The following ZIM2 variants were observed in gnomAD, a reference collection of about 807,000 sequenced individuals.
ZIM2 encodes zinc finger imprinted 2, also known as zinc finger protein 656.
Under a neutral mutation model 38.6 loss-of-function variants are expected in ZIM2, and 14 were observed. The observed-to-expected ratio is 0.36, with a 90% CI of 0.24 to 0.57. The LOEUF (loss-of-function observed/expected upper bound fraction) is 0.57, where lower values mean the gene tolerates loss of function less well. Ranked by LOEUF, ZIM2 falls within the 20% of genes least tolerant of loss-of-function variation. The pLI is 0.81. For synonymous variants in ZIM2, 247 were observed against 245.8 expected (o/e 1.00, Z -0.04); for missense variants, 680 against 695.1 (o/e 0.98, Z 0.24).
chr19:56,810,218 T>G, intron 9 of ZIM2: 1 of 983,084 alleles, frequency 1.0e-6, no homozygotes, highest in Non-Finnish European at 1.2e-6. Flanking sequence ...CTTTGGATGG[T>G]GAAAACATGG....
At chr19:56,840,210 C>A (rs866005243) in intron 1 of ZIM2, among the ~76,000 whole-genome samples, 31 of 152,322 alleles carry the variant, frequency 2.0e-4, no homozygotes, top group Admixed American at 3.3e-4. Flanking sequence ...CGTGGCAGAG[C>A]CCCCGGCTGT....
intron 9 of ZIM2, chr19:56,816,829 T>G: frequency 6.2e-7 from 1 of 1,614,202 alleles, no homozygotes; most frequent in South Asian, 1.1e-5. Flanking sequence ...CTCACATTCC[T>G]GATTCTTACA....
Position 56,817,548 on chromosome 19 carries a change from T to G in ZIM2, c.490+198A>C, listed in dbSNP as rs762779366. 4.7e-5 allele frequency: 75 copies of G among 1,596,694 alleles called. No individual in the cohort carries two copies. In the Middle Eastern group the frequency reaches 5.0e-4, roughly 11 times the overall value. The stretch of plus-strand genomic sequence containing the variant: ...CTTCACAAATCCCCCGCCGGTGGGT[T>G]GATTTTTTGGCTTCAGGCATAGTTT... On this transcript the variant is annotated intron_variant, in intron 9 of 12. Coordinates refer to ENST00000629319, the MANE Select transcript of ZIM2 (RefSeq NM_001387356.1).
In ZIM2 at chr19:56,840,669, G is replaced by A. The variant is rs561249765; in HGVS notation, c.-401C>T. The A allele has an allele frequency of 6.5e-6, 1 of 153,182 alleles. No homozygotes were observed. Among genetic ancestry groups the A allele is most frequent in the African/African-American group, 2.4e-5 (1 of 41,494 alleles). 9.5% of individuals were successfully genotyped at this position (153,182 alleles called of 1,614,324 possible). A position where few individuals can be genotyped will look rare whatever the true frequency, so the allele number is the denominator to read the frequency against. ...GGCGCCCGGCGGCGCCACCAGCCCA[G>A]GGTGGACATCTCCCGCGCCTCCCAA... On this transcript the variant is annotated 5_prime_UTR_variant, in exon 1 of 13. Transcript: ENST00000629319.
intron 9 of ZIM2, chr19:56,798,819 C>T (rs1600787624): frequency 6.6e-6 from 1 of 151,974 alleles, no homozygotes; most frequent in Admixed American, 6.6e-5. Context: ...AGACACTTCT[C>T]AAAAGAAGAA....
At chr19:56,834,239 C>A (rs371063687) in intron 2 of ZIM2, among the ~76,000 whole-genome samples, 2 of 152,122 alleles carry the variant, frequency 1.3e-5, no homozygotes, top group Non-Finnish European at 2.9e-5. Context: ...GTGAACAACT[C>A]TCATCAGACC....
At position 56,821,698 on chromosome 19, in the gene ZIM2, C is replaced by A. The variant is rs773497711; in HGVS notation, c.247G>T (p.Asp83Tyr). ...PVVAKTSFEMDREDDRDSRAY... is the reference protein window; with the variant it reads ...PVVAKTSFEMYREDDRDSRAY... ...CTGGAGTCCCTGTCGTCCTCTCTGT[C>A]CATTTCAAAGCTTGTTTTCGCCACC... Residue 83 changes from aspartate to tyrosine, a missense_variant, in exon 7 of 13, where the codon GAC becomes TAC. By Grantham distance (160) the Asp-to-Tyr change is radical. Transcript: ENST00000629319. 2.5e-6 allele frequency: 4 copies of A among 1,613,954 alleles called. No individual in the cohort carries two copies. In the African/African-American group the frequency reaches 4.0e-5, roughly 16 times the overall value.
chr19:56,825,864 T>C (rs770752704), intron 3 of ZIM2, among the ~76,000 whole-genome samples: 1 of 152,006 alleles, frequency 6.6e-6, no homozygotes, highest in Admixed American at 6.6e-5. Flanking sequence ...TTATTCAGAG[T>C]CTCTCATTAG....
At chr19:56,824,514 T>C (rs1416680647) in intron 3 of ZIM2, 87 bp from the exon 4 acceptor site, 1 of 1,614,108 alleles carries the variant, frequency 6.2e-7, no homozygotes, top group Non-Finnish European at 8.5e-7. Context: ...TTCCGAAACC[T>C]CTGATGAAAA....
At chr19:56,787,460 G>A (rs1381047396) in intron 10 of ZIM2, among the ~76,000 whole-genome samples, 2 of 152,060 alleles carry the variant, frequency 1.3e-5, no homozygotes, top group Non-Finnish European at 1.5e-5. Context: ...ATTTTTAGTA[G>A]AGACGGGGTT....
intron 1 of ZIM2, among the ~76,000 whole-genome samples, chr19:56,837,118 A>C (rs1379601334): frequency 1.3e-5 from 2 of 152,090 alleles, no homozygotes; most frequent in Non-Finnish European, 2.9e-5. Flanking sequence ...AGTGAGCTCT[A>C]GGACTCCGTA....
chr19:56,822,879 C>T (rs1484166417), intron 5 of ZIM2, 43 bp from the exon 6 acceptor site: 1 of 1,594,794 alleles, frequency 6.3e-7, no homozygotes, highest in Admixed American at 1.7e-5. Context: ...AGCTCTTTGA[C>T]ACACCTGTTT....
At position 56,774,605 on chromosome 19, in the gene ZIM2, A is replaced by C; in HGVS notation, c.*83T>G. 1 of 1,503,688 alleles carries C rather than the reference A, an allele frequency of 6.7e-7. No individual in the cohort carries two copies. Among genetic ancestry groups the C allele is most frequent in the Non-Finnish European group, 8.9e-7 (1 of 1,123,470 alleles). The allele number at this position is 1,503,688 out of a possible 1,614,324, so 93.1% of individuals were successfully genotyped here. On this transcript the variant is annotated 3_prime_UTR_variant, in exon 13 of 13. Transcript: ENST00000629319. ...TTCAAGTTGTTAACAAGGTGGGGCT[A>C]GTGAAAGGCCTTCTCACACTCACAA...
Position 56,775,673 on chromosome 19 carries a change from A to C in ZIM2, c.836-144T>G, listed in dbSNP as rs923961523. On this transcript the variant is annotated intron_variant, in intron 12 of 12. Coordinates refer to ENST00000629319, the MANE Select transcript of ZIM2 (RefSeq NM_001387356.1). Reference sequence around the variant, plus strand: ...TCCTAATCTGAAAAAAAAAAAGTAAAAATTCCTCTATTCTTTTTACTCAGA... The same window carrying C: ...TCCTAATCTGAAAAAAAAAAAGTAACAATTCCTCTATTCTTTTTACTCAGA... The C allele has an allele frequency of 1.6e-5, 23 of 1,403,928 alleles. 1 individual carries two copies. In the Admixed American group the frequency reaches 6.2e-4, roughly 38 times the overall value. 87.0% of individuals were successfully genotyped at this position (1,403,928 alleles called of 1,614,324 possible).
At chr19:56,803,834 T>C (rs531119047) in intron 9 of ZIM2, among the ~76,000 whole-genome samples, 14 of 152,290 alleles carry the variant, frequency 9.2e-5, no homozygotes, top group African/African-American at 3.4e-4. Flanking sequence ...AACCCCAGTT[T>C]TCTCTCAAAA....
chr19:56,785,099 G>A (rs1482774363), intron 10 of ZIM2, among the ~76,000 whole-genome samples: 1 of 151,834 alleles, frequency 6.6e-6, no homozygotes, highest in Admixed American at 6.6e-5. Context: ...AACTGGTTTT[G>A]TGGCTTCTGA....
chr19:56,815,777 G>T, intron 9 of ZIM2: 1 of 1,613,660 alleles, frequency 6.2e-7, no homozygotes. Context: ...TCATAGTTGC[G>T]ATTCTTACTG....
intron 9 of ZIM2, chr19:56,815,167 G>A: frequency 6.2e-7 from 1 of 1,613,912 alleles, no homozygotes; most frequent in South Asian, 1.1e-5. Context: ...TTCCATGTCT[G>A]AGCCTTGAAT....
intron 9 of ZIM2, chr19:56,816,806 G>A (rs1643394063): frequency 6.2e-7 from 1 of 1,614,096 alleles, no homozygotes; most frequent in Non-Finnish European, 8.5e-7. Flanking sequence ...GTGGGGCTAG[G>A]CATGAAGGCT....
Sources: allele counts gnomAD v4.1 joint callset (sites outside exome capture counted in the v4.1 genomes callset), GRCh38; gene constraint gnomAD v4.1.1; transcripts MANE v1.5; gene names NCBI Gene and HGNC (gene_info 2026-07-23, HGNC 2026-07-21).